SCO1: variants seen among roughly 807,000 people sequenced by gnomAD.
The protein encoded by SCO1 is cytochrome c oxidase assembly factor SCO1.
A neutral mutation model predicts 34.0 loss-of-function variants in SCO1; 23 were observed. The observed-to-expected ratio is 0.68, with a 90% CI of 0.49 to 0.96. The LOEUF (loss-of-function observed/expected upper bound fraction) is 0.96. SCO1 is among the 40% of genes least tolerant of loss of function. The probability of loss-of-function intolerance (pLI) is 0.00; values close to 1 mark genes in which losing one functional copy is unlikely to be tolerated. For synonymous variants in SCO1, 161 were observed against 145.5 expected, an observed-to-expected ratio of 1.11 and a Z score of -0.77; for missense variants, 404 against 381.6, an observed-to-expected ratio of 1.06 and a Z score of -0.49.
In SCO1 at chr17:10,681,203, T is replaced by C. The variant is rs1445472967; in HGVS notation, c.822A>G (p.Leu274=). 6.2e-7 allele frequency: 1 copy of C among 1,614,070 alleles called. No homozygotes were observed. Among genetic ancestry groups the C allele is most frequent in the South Asian group, 1.1e-5 (1 of 91,082 alleles). ...MYLIGPDGEF[L]DYFGQNKRKG... is the part of the protein sequence containing the mutation. Reference sequence around the variant, plus strand: ...TCCTCTTGTTCTGGCCAAAATAATCTAGAAACTCACCATCTGGTCCAATCA... The same window carrying C: ...TCCTCTTGTTCTGGCCAAAATAATCCAGAAACTCACCATCTGGTCCAATCA... Residue 274 remains leucine (L), a synonymous_variant, in exon 6 of 6, where the codon CTA becomes CTG. Coordinates refer to ENST00000255390, the MANE Select transcript of SCO1 (RefSeq NM_004589.4).
At chr17:10,684,536 A>T (rs969691370) in intron 5 of SCO1, among the ~76,000 whole-genome samples, 10 of 152,236 alleles carry the variant, frequency 6.6e-5, no homozygotes, top group Admixed American at 4.6e-4. Flanking sequence ...TTGTCAATGT[A>T]ACTGAATGTT....
At position 10,697,247 on chromosome 17, in the gene SCO1, G is replaced by T; in HGVS notation, c.261C>A (p.Pro87=). 1 of 1,558,764 alleles carries T rather than the reference G, an allele frequency of 6.4e-7. No homozygotes were observed. ...SQKGPGDSTR[P]SKPGPVSWKS... ...GGTGTGCACTCACCCCGGGCTTCGA[G>T]GGGCGCGTGGAGTCTCCGGGGCCCT... The change falls in exon 1 of 6, where the codon CCC becomes CCA. Residue 87 remains proline, a synonymous_variant. Transcript: ENST00000255390.
intron 2 of SCO1, chr17:10,695,498 T>C (rs1256023316): frequency 2.2e-6 from 1 of 453,500 alleles, no homozygotes; most frequent in African/African-American, 2.0e-5. Context: ...CCAAATACAA[T>C]CTGTAATTTA....
chr17:10,682,160 C>G (rs1324936678), intron 5 of SCO1, among the ~76,000 whole-genome samples: 1 of 152,138 alleles, frequency 6.6e-6, no homozygotes, highest in Non-Finnish European at 1.5e-5. Flanking sequence ...ACTTAGAGTC[C>G]TTGGAATTTA....
chr17:10,676,819 T>C lies in SCO1; in HGVS notation c.*4300A>G, dbSNP rs1281888188. The C allele has an allele frequency of 6.6e-6, 1 of 152,196 alleles. No homozygotes were observed. Among genetic ancestry groups the C allele is most frequent in the East Asian group, 1.9e-4 (1 of 5,190 alleles). 9.4% of individuals were successfully genotyped at this position (152,196 alleles called of 1,614,324 possible). ...CAAACTTTCTTTACTGAGGATATAG[T>C]ATAATTACGGAAGAAGAGCCAACAA... is the stretch of plus-strand genomic sequence containing the variant. On this transcript the variant is annotated 3_prime_UTR_variant, in exon 6 of 6. Transcript: ENST00000255390.
At position 10,679,392 on chromosome 17, in the gene SCO1, T is replaced by C. The variant is rs2074604846; in HGVS notation, c.*1727A>G. On this transcript the variant is annotated 3_prime_UTR_variant, in exon 6 of 6. Transcript: ENST00000255390. ...AGATTAGGGCTTCAATGTATAAATTTTGGGGGACATTATTCAACCTATAAC... is the reference window on the plus strand; with the variant it reads ...AGATTAGGGCTTCAATGTATAAATTCTGGGGGACATTATTCAACCTATAAC... 1 of 152,238 alleles carries C rather than the reference T, an allele frequency of 6.6e-6. No individual in the cohort carries two copies. 9.4% of individuals were successfully genotyped at this position (152,238 alleles called of 1,614,324 possible).
rs2271228 is a variant in SCO1, at chr17:10,691,933, T to C, written c.594A>G (p.Pro198=). ...DSITTLPDLT[P]LFISIDPERD... ...TCTCTGGGTCAATGCTGATGAAAAG[T>C]GGAGTTAGATCTGGCAGAGTTGTAA... Residue 198 remains proline (P), a synonymous_variant, in exon 4 of 6, where the codon CCA becomes CCG. Coordinates refer to ENST00000255390, the MANE Select transcript of SCO1 (RefSeq NM_004589.4). The C allele has an allele frequency of 8.1e-3, 13,080 of 1,613,526 alleles. 764 individuals are homozygous for C. In the African/African-American group the frequency reaches 0.13, roughly 17 times the overall value.
chr17:10,689,132 A>G (rs1203800815), intron 4 of SCO1, among the ~76,000 whole-genome samples: 3 of 151,080 alleles, frequency 2.0e-5, no homozygotes, highest in Non-Finnish European at 3.0e-5. Context: ...AAAAAAAAAA[A>G]AAAGAAAGCA....
chr17:10,690,458 A>G (rs1357666048), intron 4 of SCO1, among the ~76,000 whole-genome samples: 1 of 152,178 alleles, frequency 6.6e-6, no homozygotes, highest in East Asian at 1.9e-4. Flanking sequence ...CACCAATCAC[A>G]AGGGAAATGC....
At chr17:10,693,644 A>G (rs996892852) in intron 2 of SCO1, among the ~76,000 whole-genome samples, 11 of 152,224 alleles carry the variant, frequency 7.2e-5, no homozygotes, top group African/African-American at 2.4e-4. Flanking sequence ...TGAGCCCAGA[A>G]CCTGACTTCT....
Position 10,676,675 on chromosome 17 carries a change from T to C in SCO1, c.*4444A>G, listed in dbSNP as rs1296400939. 1 of 152,236 alleles carries C rather than the reference T, an allele frequency of 6.6e-6. No individual in the cohort carries two copies. Among genetic ancestry groups the C allele is most frequent in the Admixed American group, 6.5e-5 (1 of 15,286 alleles). 9.4% of individuals were successfully genotyped at this position (152,236 alleles called of 1,614,324 possible). A position where few individuals can be genotyped will look rare whatever the true frequency, so the allele number is the denominator to read the frequency against. On this transcript the variant is annotated 3_prime_UTR_variant, in exon 6 of 6. Coordinates refer to ENST00000255390, the MANE Select transcript of SCO1 (RefSeq NM_004589.4). ...CAGAGTCAGTGACTTTAAGGCCCCT[T>C]ATGAGGGGGACATTAGCATCCTCAT...
intron 4 of SCO1, among the ~76,000 whole-genome samples, chr17:10,688,244 T>G (rs369666812): frequency 3.3e-5 from 5 of 152,180 alleles, no homozygotes; most frequent in Non-Finnish European, 7.3e-5. Context: ...CAGAAAATAT[T>G]TGCAAATCAC....
intron 1 of SCO1, 115 bp from the exon 2 acceptor site, chr17:10,695,946 T>C (rs1282035326): frequency 1.2e-5 from 9 of 776,324 alleles, no homozygotes; most frequent in Non-Finnish European, 1.8e-5. Context: ...ATGTTAAATG[T>C]GCAAAATGTT....
chr17:10,675,663 G>A lies in SCO1; in HGVS notation c.*5456C>T, dbSNP rs536244785. On this transcript the variant is annotated 3_prime_UTR_variant, in exon 6 of 6. Coordinates refer to ENST00000255390, the MANE Select transcript of SCO1 (RefSeq NM_004589.4). ...TAAGCACTATTCTGACTTTTAACAC[G>A]ATGGGTTAGTTTTCCCTGTTCTCCT... is the stretch of plus-strand genomic sequence containing the variant. 2.0e-5 allele frequency: 3 copies of A among 152,184 alleles called. No homozygotes were observed. Among genetic ancestry groups the A allele is most frequent in the South Asian group, 2.1e-4 (1 of 4,812 alleles). 9.4% of individuals were successfully genotyped at this position (152,184 alleles called of 1,614,324 possible). A position where few individuals can be genotyped will look rare whatever the true frequency, so the allele number is the denominator to read the frequency against.
chr17:10,691,378 C>T (rs909310968), intron 4 of SCO1, among the ~76,000 whole-genome samples: 18 of 152,132 alleles, frequency 1.2e-4, no homozygotes, highest in African/African-American at 4.3e-4. Flanking sequence ...ACTTTGGTCT[C>T]CCAAAGTGCT....
rs1597502697 is a variant in SCO1, at chr17:10,674,149, C to G, written c.*6970G>C. 1 of 153,858 alleles carries G rather than the reference C, an allele frequency of 6.5e-6. No homozygotes were observed. Among genetic ancestry groups the G allele is most frequent in the African/African-American group, 2.4e-5 (1 of 41,578 alleles). The allele number at this position is 153,858 out of a possible 1,614,324, so 9.5% of individuals were successfully genotyped here. A position where few individuals can be genotyped will look rare whatever the true frequency, so the allele number is the denominator to read the frequency against. ...AGACTGTGGGCCAGGCGTGGTGGCT[C>G]ACATCTGTAATCCCCAGTACTTTGG... On this transcript the variant is annotated 3_prime_UTR_variant, in exon 6 of 6. Coordinates refer to ENST00000255390, the MANE Select transcript of SCO1 (RefSeq NM_004589.4).
chr17:10,687,109 T>G (rs1387287722), intron 4 of SCO1, among the ~76,000 whole-genome samples: 1 of 152,208 alleles, frequency 6.6e-6, no homozygotes, highest in Non-Finnish European at 1.5e-5. Flanking sequence ...GTATCACATT[T>G]TAAATTGATT....
Position 10,674,453 on chromosome 17 carries a change from AACAG to A in SCO1, c.*6662_*6665del, listed in dbSNP as rs1264190551. 3.5e-6 allele frequency: 1 copy of A among 285,904 alleles called. No homozygotes were observed. The highest frequency in any genetic ancestry group is 2.3e-5 in the African/African-American group (1 of 43,606). The allele number at this position is 285,904 out of a possible 1,614,324, so 17.7% of individuals were successfully genotyped here. ...AAACAAACAAACAAACAAACAAAAA[AACAG>A]ACTGTGATTGAGGAGAGCTGGAGTG... On this transcript the variant is annotated 3_prime_UTR_variant, in exon 6 of 6. Transcript: ENST00000255390.
intron 4 of SCO1, 32 bp downstream of exon 4, chr17:10,691,839 TA>T: frequency 7.0e-7 from 1 of 1,423,412 alleles, no homozygotes; most frequent in Non-Finnish European, 9.9e-7. Context: ...ACTTTAAGGC[TA>T]AATAAATGTA....
Sources: allele counts gnomAD v4.1 joint callset (sites outside exome capture counted in the v4.1 genomes callset), GRCh38; gene constraint gnomAD v4.1.1; transcripts MANE v1.5; gene names NCBI Gene and HGNC (gene_info 2026-07-23, HGNC 2026-07-21).